Variants in SCFD2 observed in about 807,000 individuals in gnomAD.
SCFD2 encodes the protein sec1 family domain containing 2.
SCFD2 carries 54 observed loss-of-function variants against 58.9 expected under a neutral mutation model. That is an observed-to-expected ratio of 0.92 (90% CI 0.74 to 1.15). The LOEUF is 1.15. Ranked by LOEUF, SCFD2 falls within the 50% of genes most tolerant of loss-of-function variation. SCFD2 has a pLI of 0.00. For missense variants in SCFD2, 805 were observed against 836.6 expected (o/e 0.96, Z 0.47); for synonymous variants, 321 against 335.9 (o/e 0.96, Z 0.49).
At chr4:52,889,583 A>T (rs2109451245) in intron 7 of SCFD2, among the ~76,000 whole-genome samples, 1 of 152,346 alleles carries the variant, frequency 6.6e-6, no homozygotes, top group African/African-American at 2.4e-5. Context: ...TGCTGGAACC[A>T]TTCACAGTGG....
At chr4:52,891,857 TTTCTAAGCCCTC>T (rs1294319230) in intron 7 of SCFD2, among the ~76,000 whole-genome samples, 1 of 152,236 alleles carries the variant, frequency 6.6e-6, no homozygotes, top group Non-Finnish European at 1.5e-5. Context: ...TGCCCTCCAC[TTTCTAAGCCCTC>T]TTAGCTTCTC....
At chr4:53,200,383 A>G (rs1728191934) in intron 4 of SCFD2, among the ~76,000 whole-genome samples, 1 of 151,920 alleles carries the variant, frequency 6.6e-6, no homozygotes, top group Admixed American at 6.6e-5. Context: ...AACTAAACCC[A>G]CTGTAGAATA....
intron 2 of SCFD2, among the ~76,000 whole-genome samples, chr4:53,320,576 C>T (rs1423660883): frequency 6.6e-6 from 1 of 152,146 alleles, no homozygotes; most frequent in African/African-American, 2.4e-5. Context: ...GAGATTGCAC[C>T]ACTGCACTCC....
At chr4:53,197,963 T>C (rs1577830959) in intron 4 of SCFD2, among the ~76,000 whole-genome samples, 2 of 152,206 alleles carry the variant, frequency 1.3e-5, no homozygotes, top group East Asian at 3.9e-4. Flanking sequence ...TTGGCTGGCC[T>C]GCTAGGAAAT....
rs1176238473 is a variant in SCFD2 at position 53,296,231 on chromosome 4, A to C, written c.1135+17405T>G. Among the ~76,000 whole-genome samples, 20 of 152,058 alleles carry C rather than the reference A, an allele frequency of 1.3e-4. No individual in the cohort carries two copies. The East Asian group carries it at 2.3e-3, about 18-fold the overall frequency. The stretch of plus-strand genomic sequence containing the variant: ...GGAATGGTACCAGCTCCTCTTTGTA[A>C]CTGTGGTAGAATTTGGCTATGAATC... On this transcript the variant is annotated intron_variant, in intron 3 of 8. Transcript: ENST00000401642.
intron 5 of SCFD2, among the ~76,000 whole-genome samples, chr4:53,058,309 T>C (rs1723405858): frequency 6.6e-6 from 1 of 152,008 alleles, no homozygotes. Flanking sequence ...CATATAGGCA[T>C]AAAAAAAGAT....
intron 5 of SCFD2, among the ~76,000 whole-genome samples, chr4:52,938,607 AC>A (rs1453147542): frequency 6.6e-6 from 1 of 152,172 alleles, no homozygotes; most frequent in Non-Finnish European, 1.5e-5. Flanking sequence ...GTTGTGATGA[AC>A]CCTTAAAATT....
At chr4:53,150,356 G>C (rs1045201431) in intron 4 of SCFD2, among the ~76,000 whole-genome samples, 3 of 152,136 alleles carry the variant, frequency 2.0e-5, no homozygotes, top group African/African-American at 7.2e-5. Flanking sequence ...AGAGAGGCAG[G>C]GTGGTCATCT....
chr4:53,255,263 G>C (rs919136769), intron 4 of SCFD2, among the ~76,000 whole-genome samples: 17 of 147,796 alleles, frequency 1.2e-4, no homozygotes, highest in Middle Eastern at 3.2e-3. Context: ...CTCGCAGAGG[G>C]GGAGTTGGCA....
intron 4 of SCFD2, among the ~76,000 whole-genome samples, chr4:53,208,104 G>C (rs941508349): frequency 1.7e-4 from 26 of 151,534 alleles, no homozygotes; most frequent in Admixed American, 1.5e-3. Flanking sequence ...CTACAGGTGT[G>C]CACCAACATG....
chr4:53,334,493 T>C (rs1733610282), intron 2 of SCFD2, among the ~76,000 whole-genome samples: 1 of 149,240 alleles, frequency 6.7e-6, no homozygotes, highest in African/African-American at 2.5e-5. Flanking sequence ...CAGTAAACTA[T>C]CGCAAGAACA....
At chr4:53,338,301 A>T (rs1733743820) in intron 2 of SCFD2, among the ~76,000 whole-genome samples, 1 of 152,218 alleles carries the variant, frequency 6.6e-6, no homozygotes, top group Non-Finnish European at 1.5e-5. Context: ...AAGGATACTT[A>T]AAAAGTACTG....
chr4:53,046,213 T>C (rs963332159), intron 5 of SCFD2, among the ~76,000 whole-genome samples: 18 of 152,188 alleles, frequency 1.2e-4, no homozygotes, highest in African/African-American at 4.1e-4. Flanking sequence ...AAAATGAATA[T>C]TTTAAATTTT....
At chr4:53,057,663 A>AT (rs756104141) in intron 5 of SCFD2, among the ~76,000 whole-genome samples, 26 of 152,008 alleles carry the variant, frequency 1.7e-4, no homozygotes, top group South Asian at 6.2e-4. Context: ...CATGTATCCC[A>AT]TTTTTTTTAG....
At chr4:52,894,259 T>A (rs1718948384) in intron 7 of SCFD2, among the ~76,000 whole-genome samples, 1 of 152,070 alleles carries the variant, frequency 6.6e-6, no homozygotes, top group Non-Finnish European at 1.5e-5. Flanking sequence ...AAAGCACACA[T>A]AAAAGGAGGT....
At chr4:53,102,903 A>G (rs936247992) in intron 5 of SCFD2, among the ~76,000 whole-genome samples, 1 of 152,178 alleles carries the variant, frequency 6.6e-6, no homozygotes, top group Admixed American at 6.5e-5. Flanking sequence ...AACTCATTGA[A>G]TTAAGAATCC....
In SCFD2 at chr4:53,254,499, T is replaced by G. The variant is rs1239357707; in HGVS notation, c.1311+19327A>C. On this transcript the variant is annotated intron_variant, in intron 4 of 8. Transcript: ENST00000401642. ...TTTTCTTTTTTTCTTTTTTTTTTTG[T>G]TTTATTTTATTTCATTTTTAGTAGA... is the stretch of plus-strand genomic sequence containing the variant. 2.6e-5 allele frequency among the ~76,000 whole-genome samples: 4 copies of G among 151,312 alleles called. No individual in the cohort carries two copies. The East Asian group carries it at 7.7e-4, about 29-fold the overall frequency.
chr4:53,172,004 A>C (rs1175277366), intron 4 of SCFD2, among the ~76,000 whole-genome samples: 1 of 146,836 alleles, frequency 6.8e-6, no homozygotes, highest in Non-Finnish European at 1.5e-5. Flanking sequence ...TTATTTATTT[A>C]TTATTTATTA....
At chr4:53,244,723 A>G (rs966070479) in intron 4 of SCFD2, among the ~76,000 whole-genome samples, 1 of 152,116 alleles carries the variant, frequency 6.6e-6, no homozygotes, top group African/African-American at 2.4e-5. Flanking sequence ...AAGCTAGCAG[A>G]AGACAAGAAA....
Sources: gnomAD v4.1 joint callset for allele counts (sites outside exome capture counted in the v4.1 genomes callset) on GRCh38, gnomAD v4.1.1 for gene constraint, MANE v1.5 for transcripts, NCBI Gene and HGNC (gene_info 2026-07-23, HGNC 2026-07-21) for gene names.